The following TIGAR variants were observed in gnomAD, a reference collection of about 807,000 sequenced individuals.
The protein encoded by TIGAR is fructose-2,6-bisphosphatase TIGAR.
A neutral mutation model predicts 17.9 loss-of-function variants in TIGAR; 7 were observed. The observed-to-expected ratio is 0.39, with a 90% CI of 0.22 to 0.73. The LOEUF is 0.73. Ranked by LOEUF, TIGAR falls within the 30% of genes least tolerant of loss-of-function variation. The pLI is 0.42. For synonymous variants in TIGAR, 94 were observed against 108.6 expected, an observed-to-expected ratio of 0.87 and a Z score of 0.84; for missense variants, 258 against 327.4, an observed-to-expected ratio of 0.79 and a Z score of 1.64.
At chr12:4,335,403 C>G (rs1166366349) in intron 2 of TIGAR, 1 of 151,916 alleles carries the variant, frequency 6.6e-6, no homozygotes, top group Non-Finnish European at 1.5e-5. Context: ...GTTTTTCTTC[C>G]CAAAAGTTAC....
Position 4,341,277 on chromosome 12 carries a change from G to GC in TIGAR, c.192+4117_192+4118insC, listed in dbSNP as rs201773404. Among the ~76,000 whole-genome samples, 93 of 149,364 alleles carry GC rather than the reference G, an allele frequency of 6.2e-4. No individual in the cohort carries two copies. In the East Asian group the frequency reaches 0.017, roughly 27 times the overall value. ...AGAAGACATACAAATGACAAAGAGAGGGGGGGCGGTTCCAAGATGGCCGAT... is the reference window on the plus strand; with the variant it reads ...AGAAGACATACAAATGACAAAGAGAGCGGGGGGCGGTTCCAAGATGGCCGAT... On this transcript the variant is annotated intron_variant, in intron 3 of 5. Transcript: ENST00000179259.
intron 1 of TIGAR, chr12:4,324,763 G>A: frequency 1.4e-6 from 1 of 690,538 alleles, no homozygotes; most frequent in Non-Finnish European, 2.6e-6. Flanking sequence ...TCTGTGCCGC[G>A]GTAGGTGAGT....
In TIGAR at chr12:4,351,331, A is replaced by T. The variant is rs974647773; in HGVS notation, c.335A>T (p.Glu112Val). The T allele has an allele frequency of 6.2e-7, 1 of 1,614,174 alleles. No individual in the cohort carries two copies. Among genetic ancestry groups the T allele is most frequent in the South Asian group, 1.1e-5 (1 of 91,084 alleles). The change falls in exon 5 of 6, where the codon GAA becomes GTA. Residue 112 changes from glutamate (E) to valine (V), a missense_variant. Physicochemically the swap from Glu to Val is moderately radical, Grantham distance 121. Coordinates refer to ENST00000179259, the MANE Select transcript of TIGAR (RefSeq NM_020375.3). ...ELRAMAKAAREECPVFTPPGG... is the reference protein window; with the variant it reads ...ELRAMAKAARVECPVFTPPGG... ...AGGGCCATGGCCAAAGCAGCCAGGG[A>T]AGAGTGCCCTGTGTTTACACCGCCC...
rs1013745535 is a variant in TIGAR at position 4,324,762 on chromosome 12, C to T, written c.32+3459C>T. 24 of 692,032 alleles carry T rather than the reference C, an allele frequency of 3.5e-5. 1 individual carries two copies. The highest frequency in any genetic ancestry group is 7.7e-4 in the Middle Eastern group (2 of 2,598). 42.9% of individuals were successfully genotyped at this position (692,032 alleles called of 1,614,324 possible). A position where few individuals can be genotyped will look rare whatever the true frequency, so the allele number is the denominator to read the frequency against. On this transcript the variant is annotated intron_variant, in intron 1 of 5. Coordinates refer to ENST00000179259, the MANE Select transcript of TIGAR (RefSeq NM_020375.3). ...CCGCAGCTGGTCCAAGTCTGTGCCG[C>T]GGTAGGTGAGTTTGCGGAAGGTCCG... is the stretch of plus-strand genomic sequence containing the variant.
At chr12:4,343,806 C>T (rs1422170149) in intron 3 of TIGAR, among the ~76,000 whole-genome samples, 1 of 152,164 alleles carries the variant, frequency 6.6e-6, no homozygotes, top group African/African-American at 2.4e-5. Flanking sequence ...ACCCTAACAT[C>T]ACAATTGAAA....
At position 4,327,040 on chromosome 12, in the gene TIGAR, A is replaced by T. The variant is rs549663778; in HGVS notation, c.33-4240A>T. On this transcript the variant is annotated intron_variant, in intron 1 of 5. Transcript: ENST00000179259. Reference sequence around the variant, plus strand: ...TGAGCAAAGAAATGAATCATAAATCAGGCAGCACCTGAACCAGTAAAGCTT... The same window carrying T: ...TGAGCAAAGAAATGAATCATAAATCTGGCAGCACCTGAACCAGTAAAGCTT... Among the ~76,000 whole-genome samples, 137 of 152,374 alleles carry T rather than the reference A, an allele frequency of 9.0e-4. 1 individual carries two copies. The highest frequency in any genetic ancestry group is 3.1e-3 in the African/African-American group (129 of 41,586).
At chr12:4,344,265 C>T (rs1001007363) in intron 3 of TIGAR, among the ~76,000 whole-genome samples, 3 of 152,122 alleles carry the variant, frequency 2.0e-5, no homozygotes, top group Non-Finnish European at 2.9e-5. Flanking sequence ...AGTCCAGGAC[C>T]AGACGGATTC....
At chr12:4,348,831 C>T (rs1167022406) in intron 3 of TIGAR, among the ~76,000 whole-genome samples, 1 of 151,988 alleles carries the variant, frequency 6.6e-6, no homozygotes, top group Non-Finnish European at 1.5e-5. Flanking sequence ...GCTAGACTTA[C>T]AATGAGAGAA....
intron 3 of TIGAR, among the ~76,000 whole-genome samples, chr12:4,344,211 GC>G: frequency 1.3e-5 from 2 of 152,274 alleles, no homozygotes; most frequent in South Asian, 4.1e-4. Context: ...CCAGTAACAG[GC>G]TCTGAAATTG....
chr12:4,348,538 CT>C (rs1864805764), intron 3 of TIGAR, among the ~76,000 whole-genome samples: 1 of 151,998 alleles, frequency 6.6e-6, no homozygotes, highest in Non-Finnish European at 1.5e-5. Flanking sequence ...TTTTTTTCTG[CT>C]GTGTAGGTGA....
chr12:4,357,909 C>G lies in TIGAR; in HGVS notation c.*5218C>G, dbSNP rs538410639. Reference sequence around the variant, plus strand: ...ACGAGGTCAGGAGATAGAGACCATCCTGGCTAACACAGTGAAACCTCGTCT... The same window carrying G: ...ACGAGGTCAGGAGATAGAGACCATCGTGGCTAACACAGTGAAACCTCGTCT... On this transcript the variant is annotated 3_prime_UTR_variant, in exon 6 of 6. Coordinates refer to ENST00000179259, the MANE Select transcript of TIGAR (RefSeq NM_020375.3). 6.6e-6 allele frequency among the ~76,000 whole-genome samples: 1 copy of G among 151,152 alleles called. No individual in the cohort carries two copies. The highest frequency in any genetic ancestry group is 2.4e-5 in the African/African-American group (1 of 41,140).
rs1200224868 is a variant in TIGAR, at chr12:4,359,918, T to C, written c.*7227T>C. Among the ~76,000 whole-genome samples, 1 of 152,216 alleles carries C rather than the reference T, an allele frequency of 6.6e-6. No individual in the cohort carries two copies. The highest frequency in any genetic ancestry group is 2.4e-5 in the African/African-American group (1 of 41,464). ...ATTCTGATTGTTGTATGGTAGTATATCCCTGCAATTTTAACTGGTGATATG... is the reference window on the plus strand; with the variant it reads ...ATTCTGATTGTTGTATGGTAGTATACCCCTGCAATTTTAACTGGTGATATG... On this transcript the variant is annotated 3_prime_UTR_variant, in exon 6 of 6. Coordinates refer to ENST00000179259, the MANE Select transcript of TIGAR (RefSeq NM_020375.3).
chr12:4,334,644 G>C (rs1864639360), intron 2 of TIGAR, among the ~76,000 whole-genome samples: 3 of 152,054 alleles, frequency 2.0e-5, no homozygotes, highest in African/African-American at 7.2e-5. Context: ...AAGTTTCTCT[G>C]CTCCTCATTT....
rs559222579 is a variant in TIGAR, at chr12:4,328,231, G to A, written c.33-3049G>A. Among the ~76,000 whole-genome samples, 10 of 151,936 alleles carry A rather than the reference G, an allele frequency of 6.6e-5. No homozygotes were observed. The East Asian group carries it at 7.8e-4, about 12-fold the overall frequency. On this transcript the variant is annotated intron_variant, in intron 1 of 5. Transcript: ENST00000179259. Reference sequence around the variant, plus strand: ...TTTGAGATGAGGTCTTGCTTTTGTCGCCCAGGCTGGAGTGCAATGGCATGA... The same window carrying A: ...TTTGAGATGAGGTCTTGCTTTTGTCACCCAGGCTGGAGTGCAATGGCATGA...
chr12:4,354,348 C>A lies in TIGAR; in HGVS notation c.*1657C>A, dbSNP rs1442820962. 2 of 151,956 alleles carry A rather than the reference C, an allele frequency of 1.3e-5. No homozygotes were observed. The highest frequency in any genetic ancestry group is 2.9e-5 in the Non-Finnish European group (2 of 67,988). The allele number at this position is 151,956 out of a possible 1,614,324, so 9.4% of individuals were successfully genotyped here. A position where few individuals can be genotyped will look rare whatever the true frequency, so the allele number is the denominator to read the frequency against. ...ATCTCCATTCCCACCATACTGAAGT[C>A]ATCTTTCCACTTTTTTTTTTAAAGA... On this transcript the variant is annotated 3_prime_UTR_variant, in exon 6 of 6. Coordinates refer to ENST00000179259, the MANE Select transcript of TIGAR (RefSeq NM_020375.3).
At chr12:4,338,503 G>T (rs1189131883) in intron 3 of TIGAR, among the ~76,000 whole-genome samples, 1 of 152,148 alleles carries the variant, frequency 6.6e-6, no homozygotes, top group East Asian at 1.9e-4. Context: ...GTGGGGCAGA[G>T]TAATGGAAGA....
rs761210837 is a variant in TIGAR at position 4,321,330 on chromosome 12, TTCTC to T, written c.32+35_32+38del. The T allele has an allele frequency of 5.6e-6, 9 of 1,600,194 alleles. No homozygotes were observed. The highest frequency in any genetic ancestry group is 2.2e-5 in the East Asian group (1 of 44,784). On this transcript the variant is annotated intron_variant, in intron 1 of 5. Coordinates refer to ENST00000179259, the MANE Select transcript of TIGAR (RefSeq NM_020375.3). This position sits in a 1 kb window ranked among gnomAD's most constrained non-coding sequence, Gnocchi z 5.2. Reference sequence around the variant, plus strand: ...TGAGTATGGCTGTGGCAGGATGTCTTTCTCTCTCTCTTCCTTGAGTGTGTTGGAG... The same window carrying T: ...TGAGTATGGCTGTGGCAGGATGTCTTTCTCTCTTCCTTGAGTGTGTTGGAG...
chr12:4,325,925 T>G (rs1488826703), intron 1 of TIGAR, among the ~76,000 whole-genome samples: 1 of 152,204 alleles, frequency 6.6e-6, no homozygotes, highest in Non-Finnish European at 1.5e-5. Context: ...TTGTTCCTCC[T>G]TTGTAGCACG....
At chr12:4,336,306 C>T (rs1263985342) in intron 2 of TIGAR, among the ~76,000 whole-genome samples, 3 of 152,156 alleles carry the variant, frequency 2.0e-5, no homozygotes, top group South Asian at 2.1e-4. Context: ...GGCCTCCTCT[C>T]CCAGCCCCAC....
Sources: gnomAD v4.1 joint callset for allele counts (sites outside exome capture counted in the v4.1 genomes callset) on GRCh38, gnomAD v4.1.1 for gene constraint, Gnocchi (gnomAD v3.1) non-coding constraint, MANE v1.5 for transcripts, NCBI Gene and HGNC (gene_info 2026-07-23, HGNC 2026-07-21) for gene names.